LPP: variants seen among roughly 807,000 people sequenced by gnomAD.
The protein encoded by LPP is LIM domain containing preferred translocation partner in lipoma, also known as lipoma-preferred partner.
In LPP, 38 loss-of-function variants were observed where a neutral mutation model predicts 60.4. The observed-to-expected ratio is 0.63, with a 90% confidence interval of 0.49 to 0.83. LPP has a LOEUF of 0.83. LPP is among the 40% of genes least tolerant of loss of function. The probability of loss-of-function intolerance (pLI) is 0.00; values close to 1 mark genes in which losing one functional copy is unlikely to be tolerated. For missense variants in LPP, 902 were observed against 783.6 expected, an observed-to-expected ratio of 1.15 and a Z score of -1.80; for synonymous variants, 328 against 290.8, an observed-to-expected ratio of 1.13 and a Z score of -1.30.
chr3:188,626,374 G>T (rs990183173), intron 7 of LPP, among the ~76,000 whole-genome samples: 5 of 151,546 alleles, frequency 3.3e-5, no homozygotes, highest in East Asian at 1.9e-4. Context: ...TAGGTTACGT[G>T]TATAGCATAT....
intron 2 of LPP, among the ~76,000 whole-genome samples, chr3:188,242,736 T>A (rs1225946972): frequency 6.6e-6 from 1 of 152,178 alleles, no homozygotes; most frequent in African/African-American, 2.4e-5. Flanking sequence ...TCATGCAAAA[T>A]TCATTAAACA....
intron 2 of LPP, among the ~76,000 whole-genome samples, chr3:188,250,479 T>A (rs2149552549): frequency 6.6e-6 from 1 of 152,320 alleles, no homozygotes; most frequent in East Asian, 1.9e-4. Context: ...AGGTATTCTT[T>A]CCTTTGCAAT....
chr3:188,664,178 G>A (rs1855243734), intron 7 of LPP, among the ~76,000 whole-genome samples: 1 of 152,166 alleles, frequency 6.6e-6, no homozygotes, highest in Non-Finnish European at 1.5e-5. Flanking sequence ...AGCTAAAAGT[G>A]TCCTCTTTCT....
intron 5 of LPP, among the ~76,000 whole-genome samples, chr3:188,497,097 T>C (rs1199028644): frequency 6.6e-6 from 1 of 151,994 alleles, no homozygotes; most frequent in African/African-American, 2.4e-5. Flanking sequence ...TTTTTTGAAA[T>C]AAAAATTTGG....
At chr3:188,382,746 G>C (rs537692544) in intron 3 of LPP, among the ~76,000 whole-genome samples, 1 of 152,120 alleles carries the variant, frequency 6.6e-6, no homozygotes, top group Non-Finnish European at 1.5e-5. Context: ...TGTTGTTGTT[G>C]TTCCTTTTGT....
chr3:188,248,747 T>C (rs1035701514), intron 2 of LPP, among the ~76,000 whole-genome samples: 1 of 151,956 alleles, frequency 6.6e-6, no homozygotes, highest in Non-Finnish European at 1.5e-5. Context: ...ACATGTGACC[T>C]AATCTATATT....
intron 6 of LPP, chr3:188,568,219 T>C (rs1310949400): frequency 6.6e-6 from 1 of 151,992 alleles, no homozygotes; most frequent in South Asian, 2.1e-4. Context: ...TCAGTAAACA[T>C]TATTGAGCAA....
At chr3:188,730,434 T>C (rs1437515472) in intron 8 of LPP, among the ~76,000 whole-genome samples, 1 of 152,240 alleles carries the variant, frequency 6.6e-6, no homozygotes, top group Admixed American at 6.5e-5. Context: ...TTGGTAGTTA[T>C]GAATTGAGTG....
chr3:188,775,191 T>G (rs1249886411), intron 9 of LPP, among the ~76,000 whole-genome samples: 1 of 152,032 alleles, frequency 6.6e-6, no homozygotes, highest in Non-Finnish European at 1.5e-5. Context: ...TAGCTGGGAC[T>G]GCAGGCATGT....
At chr3:188,235,877 A>G (rs1431652764) in intron 2 of LPP, among the ~76,000 whole-genome samples, 1 of 152,208 alleles carries the variant, frequency 6.6e-6, no homozygotes, top group African/African-American at 2.4e-5. Flanking sequence ...AGTCTGCTGT[A>G]TAAGCCTGTT....
intron 7 of LPP, among the ~76,000 whole-genome samples, chr3:188,674,254 C>A (rs1857531782): frequency 6.6e-6 from 1 of 152,142 alleles, no homozygotes; most frequent in South Asian, 2.1e-4. Flanking sequence ...AAAGCTCCTA[C>A]CTTTGACTTC....
chr3:188,797,788 A>G (rs1168412270), intron 9 of LPP, among the ~76,000 whole-genome samples: 1 of 152,148 alleles, frequency 6.6e-6, no homozygotes, highest in Non-Finnish European at 1.5e-5. Flanking sequence ...TTATATGTGT[A>G]TGTATTATAT....
intron 8 of LPP, among the ~76,000 whole-genome samples, chr3:188,725,670 CCAGA>C (rs1718113434): frequency 6.6e-6 from 1 of 152,106 alleles, no homozygotes; most frequent in Non-Finnish European, 1.5e-5. Context: ...CTATGATATG[CCAGA>C]CAATTGTTCC....
chr3:188,872,158 C>T (rs1325845286), intron 10 of LPP, among the ~76,000 whole-genome samples: 1 of 152,128 alleles, frequency 6.6e-6, no homozygotes, highest in Non-Finnish European at 1.5e-5. Flanking sequence ...ATGTCAGTTC[C>T]TAGAAGTCAA....
At chr3:188,427,729 C>T (rs559242756) in intron 4 of LPP, among the ~76,000 whole-genome samples, 2 of 152,288 alleles carry the variant, frequency 1.3e-5, no homozygotes, top group African/African-American at 4.8e-5. Flanking sequence ...AAACCACCTA[C>T]TGAAGCCTCA....
intron 4 of LPP, among the ~76,000 whole-genome samples, chr3:188,433,839 T>G (rs1791626807): frequency 6.6e-6 from 1 of 152,162 alleles, no homozygotes. Context: ...TTTGTTTTCC[T>G]TTCTCTTGGT....
chr3:188,684,565 T>C (rs545088606), intron 7 of LPP, among the ~76,000 whole-genome samples: 1 of 152,316 alleles, frequency 6.6e-6, no homozygotes, highest in Non-Finnish European at 1.5e-5. Context: ...CCAGGTCTTA[T>C]GTCAAAACTT....
chr3:188,242,986 G>A (rs1725529925), intron 2 of LPP, among the ~76,000 whole-genome samples: 1 of 152,130 alleles, frequency 6.6e-6, no homozygotes, highest in Non-Finnish European at 1.5e-5. Context: ...AAAAAAGAGA[G>A]GAAGAAAAGA....
chr3:188,571,403 T>C (rs995982611), intron 6 of LPP, among the ~76,000 whole-genome samples: 2 of 151,998 alleles, frequency 1.3e-5, no homozygotes, highest in Non-Finnish European at 2.9e-5. Flanking sequence ...TATGCAAATG[T>C]TTCCAATATC....
Sources: allele counts gnomAD v4.1 joint callset (sites outside exome capture counted in the v4.1 genomes callset), GRCh38; gene constraint gnomAD v4.1.1; transcripts MANE v1.5; gene names NCBI Gene and HGNC (gene_info 2026-07-23, HGNC 2026-07-21).